The following STK3 variants were observed in gnomAD, a reference collection of about 807,000 sequenced individuals.
The protein encoded by STK3 is serine/threonine kinase 3.
Under a neutral mutation model 58.0 loss-of-function variants are expected in STK3, and 41 were observed. The ratio of observed to expected loss-of-function variants is 0.71; its 90% CI spans 0.55 to 0.92. The LOEUF is 0.92. Ranked by LOEUF, STK3 falls within the 40% of genes least tolerant of loss-of-function variation. STK3 has a pLI of 0.00. For missense variants in STK3, 479 were observed against 602.7 expected, an observed-to-expected ratio of 0.79 and a Z score of 2.15; for synonymous variants, 170 against 191.0, an observed-to-expected ratio of 0.89 and a Z score of 0.91.
chr8:98,356,881 G>A, the STK3 span, among the ~76,000 whole-genome samples: 1 of 152,192 alleles, frequency 6.6e-6, no homozygotes, highest in Non-Finnish European at 1.5e-5. Context: ...TTCCCAAACA[G>A]TGATGTTTAG....
chr8:98,912,499 T>C (rs192177417), intron 1 of STK3, among the ~76,000 whole-genome samples: 6 of 152,246 alleles, frequency 3.9e-5, no homozygotes, highest in Admixed American at 1.3e-4. Context: ...AAATTAAACG[T>C]GTCTGCTTGG....
intron 4 of STK3, among the ~76,000 whole-genome samples, chr8:98,709,316 T>A (rs1030397811): frequency 1.3e-5 from 2 of 151,982 alleles, no homozygotes; most frequent in Non-Finnish European, 2.9e-5. Context: ...CTAAATGATA[T>A]AATGGGGCCA....
At chr8:98,839,421 T>G (rs1479431173) in intron 3 of STK3, among the ~76,000 whole-genome samples, 1 of 152,120 alleles carries the variant, frequency 6.6e-6, no homozygotes, top group Non-Finnish European at 1.5e-5. Flanking sequence ...GTGGGAGAAG[T>G]AAAGGGAGAA....
At chr8:98,601,386 A>G (rs1050839134) in intron 6 of STK3, 1 of 152,178 alleles carries the variant, frequency 6.6e-6, no homozygotes, top group Non-Finnish European at 1.5e-5. Flanking sequence ...AATACAATCC[A>G]ACAATATCAT....
At position 98,428,874 on chromosome 8, in the gene STK3, C is replaced by T. The variant is rs1370438409; in HGVS notation, n.483+5253G>A. ...GGGCAGGGTGGCCCAGGTCCTGAGG[C>T]TGATGCGGATCTTCCGCATCTTAAA... On this transcript the variant is annotated intron_variant and non_coding_transcript_variant, in intron 3 of 3. Coordinates refer to the STK3 transcript ENST00000517832. This position sits in a 1 kb window ranked among gnomAD's most constrained non-coding sequence, Gnocchi z 6.7. 1 of 1,614,210 alleles carries T rather than the reference C, an allele frequency of 6.2e-7. No individual in the cohort carries two copies. Among genetic ancestry groups the T allele is most frequent in the Non-Finnish European group, 8.5e-7 (1 of 1,180,036 alleles).
intron 1 of STK3, among the ~76,000 whole-genome samples, chr8:98,810,884 T>C (rs188014808): frequency 4.5e-4 from 68 of 152,256 alleles, no homozygotes; most frequent in Admixed American, 1.9e-3. Flanking sequence ...AAGCTGGCTG[T>C]TTAAAGAGCC....
intron 4 of STK3, among the ~76,000 whole-genome samples, chr8:98,747,584 C>G (rs949620037): frequency 2.0e-5 from 3 of 152,136 alleles, no homozygotes; most frequent in East Asian, 3.8e-4. Flanking sequence ...TGTTACGTAT[C>G]TTTATATTAT....
At chr8:98,396,003 T>C (rs931705980) in intron 3 of STK3, among the ~76,000 whole-genome samples, 1 of 152,244 alleles carries the variant, frequency 6.6e-6, no homozygotes, top group African/African-American at 2.4e-5. Context: ...TCTATACAAC[T>C]GCCTTTCAGC....
At chr8:98,815,282 C>A (rs1834474962) in intron 1 of STK3, among the ~76,000 whole-genome samples, 1 of 152,202 alleles carries the variant, frequency 6.6e-6, no homozygotes, top group Admixed American at 6.5e-5. Context: ...CTCAAAACCA[C>A]CAGTGTCATC....
chr8:98,444,010 T>C (rs1375949884), intron 1 of STK3, among the ~76,000 whole-genome samples: 2 of 152,222 alleles, frequency 1.3e-5, no homozygotes, highest in Non-Finnish European at 2.9e-5. Flanking sequence ...CTATGGTTCC[T>C]CCACCCATCA....
intron 6 of STK3, among the ~76,000 whole-genome samples, chr8:98,632,639 T>C (rs989113608): frequency 2.6e-5 from 4 of 152,236 alleles, no homozygotes; most frequent in African/African-American, 9.6e-5. Context: ...ATTTTAGATG[T>C]TAACCTAAAT....
chr8:98,501,849 G>C (rs574949726), intron 10 of STK3, among the ~76,000 whole-genome samples: 1 of 152,318 alleles, frequency 6.6e-6, no homozygotes, highest in Admixed American at 6.5e-5. Flanking sequence ...GATGCCTCCA[G>C]CTTTGTTCTT....
chr8:98,397,665 G>A (rs552549778), downstream of STK3, among the ~76,000 whole-genome samples: 1 of 152,128 alleles, frequency 6.6e-6, no homozygotes, highest in Non-Finnish European at 1.5e-5. Flanking sequence ...TTGGCTCTGT[G>A]TCCCCACCCA....
intron 1 of STK3, among the ~76,000 whole-genome samples, chr8:98,935,940 G>A (rs2132050665): frequency 6.6e-6 from 1 of 151,114 alleles, no homozygotes; most frequent in East Asian, 1.9e-4. Flanking sequence ...TTTTTGAGGT[G>A]GAGTCTCACT....
intron 3 of STK3, among the ~76,000 whole-genome samples, chr8:98,840,672 C>G (rs938709712): frequency 7.0e-6 from 1 of 141,984 alleles, no homozygotes; most frequent in Non-Finnish European, 1.5e-5. Context: ...ACACACATAA[C>G]TTATTAATTC....
intron 6 of STK3, among the ~76,000 whole-genome samples, chr8:98,636,343 T>C (rs1479763762): frequency 1.3e-5 from 2 of 152,186 alleles, no homozygotes; most frequent in Non-Finnish European, 2.9e-5. Context: ...ATTTAGATAC[T>C]AGATTTTTCT....
At chr8:98,402,319 C>T (rs985688533) in intron 3 of STK3, among the ~76,000 whole-genome samples, 3 of 152,188 alleles carry the variant, frequency 2.0e-5, no homozygotes, top group Non-Finnish European at 4.4e-5. Flanking sequence ...CTGCATACCA[C>T]TGTGGAGAGA....
intron 1 of STK3, among the ~76,000 whole-genome samples, chr8:98,934,836 G>C (rs1840137428): frequency 6.6e-6 from 1 of 152,126 alleles, no homozygotes; most frequent in Non-Finnish European, 1.5e-5. Flanking sequence ...GAATAAGCTT[G>C]AACCCAGGAG....
At chr8:98,528,415 A>T (rs1042974907) in intron 9 of STK3, among the ~76,000 whole-genome samples, 3 of 152,118 alleles carry the variant, frequency 2.0e-5, no homozygotes, top group Non-Finnish European at 2.9e-5. Flanking sequence ...GGCTCCAAAT[A>T]AATGTCCCAG....
Sources: allele counts gnomAD v4.1 joint callset (sites outside exome capture counted in the v4.1 genomes callset), GRCh38; gene constraint gnomAD v4.1.1; non-coding constraint Gnocchi (gnomAD v3.1); transcripts MANE v1.5; gene names NCBI Gene and HGNC (gene_info 2026-07-23, HGNC 2026-07-21).